Variants in MED23 observed in about 807,000 individuals in gnomAD.
MED23 encodes the protein mediator of RNA polymerase II transcription subunit 23.
A neutral mutation model predicts 163.9 loss-of-function variants in MED23; 105 were observed. The observed-to-expected ratio is 0.64, with a 90% CI of 0.55 to 0.75. MED23 has a LOEUF of 0.75. Among genes scored for constraint, MED23 ranks in the 30% least tolerant of loss-of-function variants. The pLI, the probability that MED23 is intolerant of heterozygous loss-of-function variation, is 0.00. For synonymous variants in MED23, 561 were observed against 565.6 expected (o/e 0.99, Z 0.12); for missense variants, 1,054 against 1,649.0 (o/e 0.64, Z 6.25).
chr6:131,602,758 T>C (rs1230492742), intron 16 of MED23, among the ~76,000 whole-genome samples: 1 of 152,144 alleles, frequency 6.6e-6, no homozygotes, highest in Non-Finnish European at 1.5e-5. Flanking sequence ...TCTAAAGGGC[T>C]AAGTTACAAC....
downstream of MED23, among the ~76,000 whole-genome samples, chr6:131,585,325 C>T (rs139306733): frequency 9.9e-5 from 15 of 152,168 alleles, no homozygotes; most frequent in African/African-American, 3.4e-4. Flanking sequence ...AAAAGGTAGG[C>T]TCCATGAATG....
intron 3 of MED23, among the ~76,000 whole-genome samples, chr6:131,626,017 G>A (rs530228936): frequency 6.6e-6 from 1 of 151,068 alleles, no homozygotes; most frequent in African/African-American, 2.4e-5. Context: ...AGCTACTCGG[G>A]AGGCTGAGGC....
chr6:131,618,299 A>G, intron 9 of MED23, 108 bp downstream of exon 9: 1 of 776,520 alleles, frequency 1.3e-6, no homozygotes, highest in Non-Finnish European at 2.3e-6. Context: ...CTTTCATTAA[A>G]TATTTACTTC....
chr6:131,578,647 C>A (rs1230311628), intron 30 of MED23, among the ~76,000 whole-genome samples: 1 of 151,948 alleles, frequency 6.6e-6, no homozygotes, highest in Non-Finnish European at 1.5e-5. Context: ...GTGTGTATCT[C>A]CAGATGAAAA....
chr6:131,601,336 A>G (rs549272332), intron 17 of MED23, among the ~76,000 whole-genome samples: 7 of 152,350 alleles, frequency 4.6e-5, no homozygotes, highest in Non-Finnish European at 8.8e-5. Flanking sequence ...TATAAACAAA[A>G]TGTCAACGTT....
intron 12 of MED23, 37 bp from the exon 13 acceptor site, chr6:131,606,661 G>T (rs941913545): frequency 6.7e-7 from 1 of 1,490,404 alleles, no homozygotes; most frequent in African/African-American, 1.4e-5. Context: ...CACAATAGAA[G>T]AAAGAGAAGA....
intron 9 of MED23, among the ~76,000 whole-genome samples, chr6:131,616,862 C>A (rs1485918601): frequency 6.6e-6 from 1 of 152,114 alleles, no homozygotes; most frequent in East Asian, 1.9e-4. Flanking sequence ...TAGAAAGTGA[C>A]ATTAAAAACA....
chr6:131,611,943 A>C (rs543562250), intron 10 of MED23, among the ~76,000 whole-genome samples: 172 of 152,126 alleles, frequency 1.1e-3, no homozygotes, highest in Non-Finnish European at 2.1e-3. Flanking sequence ...TTTCACCTAC[A>C]TATTTTTAGG....
chr6:131,592,541 A>T, intron 24 of MED23, 81 bp from the exon 25 acceptor site: 1 of 1,197,762 alleles, frequency 8.3e-7, no homozygotes. Context: ...TTTTTAAAGA[A>T]TATGTCTAAT....
At position 131,576,698 on chromosome 6, in the gene MED23, G is replaced by A. The variant is rs1773630165; in HGVS notation, c.4096-2403C>T. The A allele has an allele frequency of 6.2e-7, 1 of 1,614,102 alleles. No homozygotes were observed. The highest frequency in any genetic ancestry group is 1.3e-5 in the African/African-American group (1 of 75,032). On this transcript the variant is annotated intron_variant, in intron 30 of 30. Transcript: ENST00000354577. ...GGGTGGAAGAAGGCCCTACAGTATT[G>A]AGAAAGGCTGGTCTGCTTGAGAAAC...
chr6:131,591,620 T>G (rs975195506), intron 25 of MED23, 93 bp from the exon 26 acceptor site: 1 of 997,686 alleles, frequency 1.0e-6, no homozygotes, highest in Admixed American at 1.9e-5. Flanking sequence ...TTCTTTAAAG[T>G]TTTCTATTTT....
At chr6:131,576,010 A>G (rs564178278) in intron 30 of MED23, among the ~76,000 whole-genome samples, 3 of 152,250 alleles carry the variant, frequency 2.0e-5, no homozygotes, top group Admixed American at 2.0e-4. Context: ...CACTCTTTCG[A>G]TGCTTTTGCC....
chr6:131,614,618 A>G (rs1776528507), intron 10 of MED23, among the ~76,000 whole-genome samples: 1 of 152,142 alleles, frequency 6.6e-6, no homozygotes, highest in Non-Finnish European at 1.5e-5. Context: ...GCTCCAGTTG[A>G]GAGGAGCTCA....
intron 30 of MED23, among the ~76,000 whole-genome samples, chr6:131,577,455 C>T (rs981337458): frequency 6.6e-6 from 1 of 152,138 alleles, no homozygotes; most frequent in Non-Finnish European, 1.5e-5. Context: ...GATATGTTTT[C>T]ATTTCTCTTG....
intron 20 of MED23, among the ~76,000 whole-genome samples, chr6:131,597,840 C>A (rs1244063188): frequency 6.6e-6 from 1 of 152,084 alleles, no homozygotes; most frequent in African/African-American, 2.4e-5. Context: ...AATCCCAGCA[C>A]TTTGGGAAGC....
intron 10 of MED23, chr6:131,615,700 T>A: frequency 3.2e-6 from 2 of 630,992 alleles, no homozygotes; most frequent in Non-Finnish European, 5.6e-6. Context: ...ATAAACCAAC[T>A]TTAAAAATTT....
intron 30 of MED23, among the ~76,000 whole-genome samples, chr6:131,577,327 C>G (rs1049118606): frequency 6.6e-6 from 1 of 152,094 alleles, no homozygotes; most frequent in African/African-American, 2.4e-5. Flanking sequence ...GATACAGCCA[C>G]TTTGAAAGTA....
intron 11 of MED23, 66 bp downstream of exon 11, chr6:131,609,980 C>T: frequency 2.1e-6 from 3 of 1,450,454 alleles, no homozygotes; most frequent in Non-Finnish European, 2.9e-6. Flanking sequence ...TAGGGAATGC[C>T]CACAGCAGTC....
Position 131,577,555 on chromosome 6 carries a change from T to C in MED23, c.4096-3260A>G, listed in dbSNP as rs191786325. On this transcript the variant is annotated intron_variant, in intron 30 of 30. Transcript: ENST00000354577. The stretch of plus-strand genomic sequence containing the variant: ...AGCAAAATGCCCATCAACTGGTAGA[T>C]GGTTAAACAAAAAGTGTCACATCCA... 7.4e-3 allele frequency among the ~76,000 whole-genome samples: 1,133 copies of C among 152,086 alleles called. 15 individuals carry two copies. The highest frequency in any genetic ancestry group is 0.025 in the African/African-American group (1,032 of 41,486).
Sources: gnomAD v4.1 joint callset for allele counts (sites outside exome capture counted in the v4.1 genomes callset) on GRCh38, gnomAD v4.1.1 for gene constraint, MANE v1.5 for transcripts, NCBI Gene and HGNC (gene_info 2026-07-23, HGNC 2026-07-21) for gene names.